FAM53B: variants seen among roughly 807,000 people sequenced by gnomAD.
The protein encoded by FAM53B is protein FAM53B.
A neutral mutation model predicts 32.7 loss-of-function variants in FAM53B; 12 were observed. That is an observed-to-expected ratio of 0.37 (90% confidence interval 0.24 to 0.59). The LOEUF is 0.59. Ranked by LOEUF, FAM53B falls within the 20% of genes least tolerant of loss-of-function variation. FAM53B has a pLI of 0.72. For synonymous variants in FAM53B, 234 were observed against 228.7 expected (o/e 1.02, Z -0.21); for missense variants, 477 against 577.7 (o/e 0.83, Z 1.79).
chr10:124,645,601 T>C (rs555395094), intron 4 of FAM53B, among the ~76,000 whole-genome samples: 1 of 152,374 alleles, frequency 6.6e-6, no homozygotes, highest in Non-Finnish European at 1.5e-5. Context: ...AAGATGGCTC[T>C]GTGCTTTGGC....
At chr10:124,676,144 A>C (rs1949735187) in intron 4 of FAM53B, among the ~76,000 whole-genome samples, 1 of 152,192 alleles carries the variant, frequency 6.6e-6, no homozygotes, top group Admixed American at 6.5e-5. Flanking sequence ...ACTATCTCTA[A>C]GTCAGAAGCA....
At chr10:124,720,231 G>A (rs1950061177) in intron 1 of FAM53B, among the ~76,000 whole-genome samples, 1 of 151,190 alleles carries the variant, frequency 6.6e-6, no homozygotes, top group Non-Finnish European at 1.5e-5. Flanking sequence ...CCCAAGGGAG[G>A]TGGCATAGAT....
At chr10:124,719,384 C>A (rs577770752) in intron 1 of FAM53B, among the ~76,000 whole-genome samples, 1 of 152,132 alleles carries the variant, frequency 6.6e-6, no homozygotes, top group Non-Finnish European at 1.5e-5. Flanking sequence ...ACACAGCCAA[C>A]CAGAGTCACC....
chr10:124,720,557 C>T (rs774673487), intron 1 of FAM53B, among the ~76,000 whole-genome samples: 13 of 152,200 alleles, frequency 8.5e-5, no homozygotes, highest in Non-Finnish European at 1.9e-4. Flanking sequence ...TGAAATTTAA[C>T]AAGTACTGGT....
chr10:124,634,722 C>T (rs889883328), intron 4 of FAM53B, among the ~76,000 whole-genome samples: 1 of 152,214 alleles, frequency 6.6e-6, no homozygotes, highest in African/African-American at 2.4e-5. Context: ...CACTAATACA[C>T]CCATGGAGAC....
At chr10:124,657,972 G>A (rs1949605158) in intron 4 of FAM53B, among the ~76,000 whole-genome samples, 2 of 152,130 alleles carry the variant, frequency 1.3e-5, no homozygotes, top group Admixed American at 6.5e-5. Flanking sequence ...TTTTCTACGC[G>A]GCCACTGAAA....
intron 1 of FAM53B, among the ~76,000 whole-genome samples, chr10:124,722,674 T>C (rs1399642231): frequency 6.6e-6 from 1 of 152,196 alleles, no homozygotes; most frequent in Non-Finnish European, 1.5e-5. Context: ...AAATCAAAAA[T>C]ATAAAAAATA....
chr10:124,724,759 C>T (rs908472899), intron 1 of FAM53B, among the ~76,000 whole-genome samples: 2 of 152,216 alleles, frequency 1.3e-5, no homozygotes, highest in Non-Finnish European at 2.9e-5. Flanking sequence ...ACAGACAATA[C>T]AGTAATTGTG....
At chr10:124,639,009 A>C (rs2134043218) in intron 4 of FAM53B, among the ~76,000 whole-genome samples, 1 of 152,314 alleles carries the variant, frequency 6.6e-6, no homozygotes, top group South Asian at 2.1e-4. Context: ...CCTGGAGGCA[A>C]ACCAAATACT....
At chr10:124,720,400 G>A (rs574194884) in intron 1 of FAM53B, among the ~76,000 whole-genome samples, 49 of 152,152 alleles carry the variant, frequency 3.2e-4, no homozygotes, top group Non-Finnish European at 1.3e-4. Context: ...AGCCAAGGCT[G>A]CAGTCAGCCA....
chr10:124,635,193 A>G (rs1273288815), intron 4 of FAM53B, among the ~76,000 whole-genome samples: 1 of 152,132 alleles, frequency 6.6e-6, no homozygotes, highest in Non-Finnish European at 1.5e-5. Flanking sequence ...CCTGGGTTCA[A>G]GCAATTCTCC....
chr10:124,659,607 A>T (rs1370973618), intron 4 of FAM53B, among the ~76,000 whole-genome samples: 1 of 152,240 alleles, frequency 6.6e-6, no homozygotes, highest in Non-Finnish European at 1.5e-5. Context: ...ATAAAACCAC[A>T]GCCAGCTGAG....
At chr10:124,628,227 C>T (rs574290823) in intron 4 of FAM53B, among the ~76,000 whole-genome samples, 2 of 152,290 alleles carry the variant, frequency 1.3e-5, no homozygotes, top group Middle Eastern at 6.8e-3. Flanking sequence ...GGGAAACAGC[C>T]CCAGCATTTG....
chr10:124,647,058 A>G (rs1375819178), intron 4 of FAM53B, among the ~76,000 whole-genome samples: 1 of 152,198 alleles, frequency 6.6e-6, no homozygotes, highest in African/African-American at 2.4e-5. Flanking sequence ...GAGAAGCCCA[A>G]ACTCAATGAA....
intron 1 of FAM53B, among the ~76,000 whole-genome samples, 181 bp downstream of exon 1, chr10:124,743,832 C>T (rs932964885): frequency 6.6e-6 from 1 of 150,736 alleles, no homozygotes; most frequent in African/African-American, 2.4e-5. Context: ...AACCCAAAGG[C>T]GAAACAAGGC....
chr10:124,621,102 G>A lies in FAM53B; in HGVS notation c.*2140C>T, dbSNP rs910795144. The A allele has an allele frequency of 1.3e-5, 2 of 152,276 alleles. No individual in the cohort carries two copies. Among genetic ancestry groups the A allele is most frequent in the African/African-American group, 4.8e-5 (2 of 41,442 alleles). 9.4% of individuals were successfully genotyped at this position (152,276 alleles called of 1,614,324 possible). ...ACCCCAGCCCTAAGCAAAGGTAGCT[G>A]GGGGCTGCTGCATGCCTCAGCCTCA... On this transcript the variant is annotated 3_prime_UTR_variant, in exon 5 of 5. Transcript: ENST00000337318.
chr10:124,704,872 C>A (rs559296746), intron 2 of FAM53B, among the ~76,000 whole-genome samples: 1 of 152,146 alleles, frequency 6.6e-6, no homozygotes, highest in African/African-American at 2.4e-5. Context: ...AGAATCCTTG[C>A]GAGAGAACAG....
chr10:124,682,409 G>T lies in FAM53B; in HGVS notation c.134-30C>A, dbSNP rs1380075880. The T allele has an allele frequency of 1.3e-6, 2 of 1,560,362 alleles. No individual in the cohort carries two copies. Among genetic ancestry groups the T allele is most frequent in the Non-Finnish European group, 1.7e-6 (2 of 1,151,332 alleles). On this transcript the variant is annotated intron_variant, in intron 3 of 4. Coordinates refer to ENST00000337318, the MANE Select transcript of FAM53B (RefSeq NM_014661.4). This position sits in a 1 kb window ranked among gnomAD's most constrained non-coding sequence, Gnocchi z 5.2. ...TTCATAAATGACAAGGAGAAAACAGGATTTGAGAAGACCTTCACTCCAGCC... is the reference window on the plus strand; with the variant it reads ...TTCATAAATGACAAGGAGAAAACAGTATTTGAGAAGACCTTCACTCCAGCC...
rs140539735 is a variant in FAM53B, at chr10:124,664,253, A to G, written c.906+17354T>C. ...TCAAGCACAAGACTTGCCAGAGAGC[A>G]GCCTCCAGCACCTCCATGGAGTCCC... On this transcript the variant is annotated intron_variant, in intron 4 of 4. Coordinates refer to ENST00000337318, the MANE Select transcript of FAM53B (RefSeq NM_014661.4). Among the ~76,000 whole-genome samples the G allele has an allele frequency of 3.9e-3, 593 of 152,254 alleles. 1 individual carries two copies. Among genetic ancestry groups the G allele is most frequent in the Non-Finnish European group, 5.8e-3 (392 of 68,000 alleles).
Sources: allele counts gnomAD v4.1 joint callset (sites outside exome capture counted in the v4.1 genomes callset), GRCh38; gene constraint gnomAD v4.1.1; non-coding constraint Gnocchi (gnomAD v3.1); transcripts MANE v1.5; gene names NCBI Gene and HGNC (gene_info 2026-07-23, HGNC 2026-07-21).